NEMP2: variants seen among roughly 807,000 people sequenced by gnomAD.
NEMP2 encodes UPF0571 transmembrane protein.
Under a neutral mutation model 54.2 loss-of-function variants are expected in NEMP2, and 53 were observed. The ratio of observed to expected loss-of-function variants is 0.98; its 90% CI spans 0.78 to 1.23. NEMP2 has a LOEUF of 1.23. NEMP2 is among the 50% of genes most tolerant of loss of function. The pLI is 0.00. For missense variants in NEMP2, 455 were observed against 511.3 expected (o/e 0.89, Z 1.06); for synonymous variants, 197 against 190.3 (o/e 1.04, Z -0.29).
At chr2:190,637,392 A>G in the NEMP2 span, among the ~76,000 whole-genome samples, 9 of 152,218 alleles carry the variant, frequency 5.9e-5, no homozygotes, top group African/African-American at 1.4e-4. The surrounding 1 kb of genome is among the most constrained non-coding windows in gnomAD (Gnocchi z 4.5). Flanking sequence ...GCTGAGAACT[A>G]CAGCTACAAG....
At chr2:190,625,421 G>A in the NEMP2 span, 1 of 152,142 alleles carries the variant, frequency 6.6e-6, no homozygotes, top group Non-Finnish European at 1.5e-5. Context: ...AAGGGGGAAT[G>A]GGGTAATTGC....
chr2:190,513,569 G>C lies in NEMP2; in HGVS notation c.953+884C>G, dbSNP rs1690446073. 1.3e-5 allele frequency among the ~76,000 whole-genome samples: 2 copies of C among 152,200 alleles called. No individual in the cohort carries two copies. The highest frequency in any genetic ancestry group is 4.1e-4 in the South Asian group (2 of 4,832). On this transcript the variant is annotated intron_variant, in intron 7 of 8. Coordinates refer to ENST00000409150, the MANE Select transcript of NEMP2 (RefSeq NM_001142645.2). This position sits in a 1 kb window ranked among gnomAD's most constrained non-coding sequence, Gnocchi z 5.3. ...TTAAACCCCACTGTGTACAGGACTGGACTAGATTGCTTAGCATGGCTGCCA... is the reference window on the plus strand; with the variant it reads ...TTAAACCCCACTGTGTACAGGACTGCACTAGATTGCTTAGCATGGCTGCCA...
At position 190,514,145 on chromosome 2, in the gene NEMP2, T is replaced by G. The variant is rs1291344379; in HGVS notation, c.953+308A>C. On this transcript the variant is annotated intron_variant, in intron 7 of 8. Coordinates refer to ENST00000409150, the MANE Select transcript of NEMP2 (RefSeq NM_001142645.2). This position sits in a 1 kb window ranked among gnomAD's most constrained non-coding sequence, Gnocchi z 5.7. ...CTTTGACTCTAATTAAAGAAAATGT[T>G]GAATAAAAGAAGATATTTTAGGTAA... is the stretch of plus-strand genomic sequence containing the variant. Among the ~76,000 whole-genome samples, 1 of 152,234 alleles carries G rather than the reference T, an allele frequency of 6.6e-6. No homozygotes were observed. The highest frequency in any genetic ancestry group is 1.5e-5 in the Non-Finnish European group (1 of 68,042).
the NEMP2 span, chr2:190,436,621 A>G: frequency 6.2e-7 from 1 of 1,614,218 alleles, no homozygotes. This position sits in a 1 kb window ranked among gnomAD's most constrained non-coding sequence, Gnocchi z 5.3. Context: ...AATGCGTGAG[A>G]AAAGAAACCT....
chr2:190,628,437 GCTCTTAA>G, the NEMP2 span: 1 of 152,174 alleles, frequency 6.6e-6, no homozygotes, highest in Admixed American at 6.5e-5. The surrounding 1 kb of genome is among the most constrained non-coding windows in gnomAD (Gnocchi z 4.1). Context: ...CAGTATACAT[GCTCTTAA>G]CTAGCAATAT....
chr2:190,454,978 GTATA>G, the NEMP2 span, among the ~76,000 whole-genome samples: 1 of 92,024 alleles, frequency 1.1e-5, no homozygotes, highest in Non-Finnish European at 3.0e-5. The surrounding 1 kb of genome is among the most constrained non-coding windows in gnomAD (Gnocchi z 4.6). Context: ...ATATGTATAT[GTATA>G]TGTATATGTA....
At chr2:190,616,806 T>C in the NEMP2 span, 2 of 152,026 alleles carry the variant, frequency 1.3e-5, no homozygotes. The surrounding 1 kb of genome is among the most constrained non-coding windows in gnomAD (Gnocchi z 5.1). Flanking sequence ...TATTTTTTTT[T>C]CCCGAAAAAA....
At chr2:190,544,627 T>C in the NEMP2 span, among the ~76,000 whole-genome samples, 1 of 152,102 alleles carries the variant, frequency 6.6e-6, no homozygotes, top group East Asian at 1.9e-4. Context: ...GAAAAAATAC[T>C]CAAAAGTGAT....
chr2:190,503,139 T>C (rs952189695), downstream of NEMP2, among the ~76,000 whole-genome samples: 9 of 152,348 alleles, frequency 5.9e-5, no homozygotes, highest in Middle Eastern at 3.4e-3. This position sits in a 1 kb window ranked among gnomAD's most constrained non-coding sequence, Gnocchi z 6.3. Context: ...TTCCTAGAAA[T>C]GCTTCAAATT....
At chr2:190,645,048 TCTA>T in the NEMP2 span, among the ~76,000 whole-genome samples, 1 of 152,188 alleles carries the variant, frequency 6.6e-6, no homozygotes, top group Admixed American at 6.5e-5. Context: ...TTCTCCCAAA[TCTA>T]CTCCTAACAG....
chr2:190,438,215 T>A, the NEMP2 span, among the ~76,000 whole-genome samples: 5 of 148,908 alleles, frequency 3.4e-5, no homozygotes, highest in African/African-American at 4.9e-5. This position sits in a 1 kb window ranked among gnomAD's most constrained non-coding sequence, Gnocchi z 5.2. Flanking sequence ...CTTTTAGTTA[T>A]AAAAAAAAAA....
chr2:190,631,640 T>C, the NEMP2 span, among the ~76,000 whole-genome samples: 2 of 152,264 alleles, frequency 1.3e-5, no homozygotes, highest in African/African-American at 4.8e-5. Context: ...CAATACTGTA[T>C]AACCTAATCC....
chr2:190,443,757 C>T, the NEMP2 span, among the ~76,000 whole-genome samples: 696 of 152,238 alleles, frequency 4.6e-3, 3 homozygotes, highest in Non-Finnish European at 7.1e-3. The surrounding 1 kb of genome is among the most constrained non-coding windows in gnomAD (Gnocchi z 4.2). Flanking sequence ...CAAAGGTTGT[C>T]TTCTTAAAGA....
chr2:190,634,978 AC>A, the NEMP2 span, among the ~76,000 whole-genome samples: 2 of 152,062 alleles, frequency 1.3e-5, no homozygotes, highest in African/African-American at 4.8e-5. The surrounding 1 kb of genome is among the most constrained non-coding windows in gnomAD (Gnocchi z 6.8). Flanking sequence ...AAATGTGTTA[AC>A]CCCCTCCATG....
the NEMP2 span, among the ~76,000 whole-genome samples, chr2:190,464,587 G>A: frequency 6.6e-6 from 1 of 152,122 alleles, no homozygotes; most frequent in African/African-American, 2.4e-5. Flanking sequence ...GTGAACCCTT[G>A]TTCGCTTTGT....
chr2:190,521,123 GTCATTCATACCACATATTACTAT>G lies in NEMP2; in HGVS notation c.214-1963_214-1941del, dbSNP rs1690737689. On this transcript the variant is annotated intron_variant, in intron 2 of 8. Transcript: ENST00000409150. The surrounding 1 kb of genome is among the most constrained non-coding windows in gnomAD (Gnocchi z 6.2). Reference sequence around the variant, plus strand: ...TTAAGAGAGGGACATGAAAGTTGCAGTCATTCATACCACATATTACTATTCATTCATTCTTCCACCCTCTGCAA... The same window carrying G: ...TTAAGAGAGGGACATGAAAGTTGCAGTCATTCATTCTTCCACCCTCTGCAA... 6.6e-6 allele frequency among the ~76,000 whole-genome samples: 1 copy of G among 152,314 alleles called. No homozygotes were observed. The highest frequency in any genetic ancestry group is 2.1e-4 in the South Asian group (1 of 4,822).
the NEMP2 span, among the ~76,000 whole-genome samples, chr2:190,574,790 T>G: frequency 8.5e-6 from 1 of 117,712 alleles, no homozygotes; most frequent in Non-Finnish European, 1.8e-5. Context: ...CTTCCCTCCC[T>G]TCCCTCCCTT....
the NEMP2 span, among the ~76,000 whole-genome samples, chr2:190,495,879 C>T: frequency 6.6e-6 from 1 of 152,046 alleles, no homozygotes; most frequent in African/African-American, 2.4e-5. The surrounding 1 kb of genome is among the most constrained non-coding windows in gnomAD (Gnocchi z 4.7). Context: ...AGACCTGAAA[C>T]TTAAAATTCT....
chr2:190,534,364 C>G (rs1691280859), intron 1 of NEMP2, 195 bp downstream of exon 1: 4 of 1,205,038 alleles, frequency 3.3e-6, no homozygotes, highest in Non-Finnish European at 4.1e-6. Flanking sequence ...AACTGCCAGG[C>G]GAGAGACTAC....
Sources: gnomAD v4.1 joint callset for allele counts (sites outside exome capture counted in the v4.1 genomes callset) on GRCh38, gnomAD v4.1.1 for gene constraint, Gnocchi (gnomAD v3.1) non-coding constraint, MANE v1.5 for transcripts, NCBI Gene and HGNC (gene_info 2026-07-23, HGNC 2026-07-21) for gene names.